Variants in SUMF1 observed in about 807,000 individuals in gnomAD.
SUMF1 encodes sulfatase modifying factor 1.
Under a neutral mutation model 47.6 loss-of-function variants are expected in SUMF1, and 48 were observed. The observed-to-expected ratio is 1.01, with a 90% CI of 0.80 to 1.28. The LOEUF is 1.28. Ranked by LOEUF, SUMF1 falls within the 50% of genes most tolerant of loss-of-function variation. The pLI is 0.00. For missense variants in SUMF1, 571 were observed against 485.4 expected, an observed-to-expected ratio of 1.18 and a Z score of -1.66; for synonymous variants, 230 against 192.1, an observed-to-expected ratio of 1.20 and a Z score of -1.63.
chr3:4,087,958 G>C (rs553383112), intron 8 of SUMF1, among the ~76,000 whole-genome samples: 1 of 151,996 alleles, frequency 6.6e-6, no homozygotes, highest in East Asian at 1.9e-4. Flanking sequence ...TAATGATTGA[G>C]AGCTTGATTT....
At chr3:4,306,123 G>A (rs1358237824) in intron 8 of SUMF1, among the ~76,000 whole-genome samples, 1 of 152,104 alleles carries the variant, frequency 6.6e-6, no homozygotes, top group Non-Finnish European at 1.5e-5. Flanking sequence ...GTCACGATTA[G>A]CTTCAATATT....
chr3:4,286,271 T>A (rs1352981428), intron 8 of SUMF1, among the ~76,000 whole-genome samples: 2 of 152,066 alleles, frequency 1.3e-5, no homozygotes, highest in East Asian at 3.8e-4. Context: ...ACTATAAAGT[T>A]AGGGCAAGTT....
At chr3:4,420,804 C>T (rs1343869696) in intron 3 of SUMF1, among the ~76,000 whole-genome samples, 1 of 152,094 alleles carries the variant, frequency 6.6e-6, no homozygotes, top group East Asian at 1.9e-4. Flanking sequence ...AGAGTTAACC[C>T]TACAATTAAA....
At chr3:4,254,939 A>G (rs567238928) in intron 8 of SUMF1, among the ~76,000 whole-genome samples, 1 of 152,260 alleles carries the variant, frequency 6.6e-6, no homozygotes, top group Admixed American at 6.5e-5. Context: ...TACAAGCCAG[A>G]AGAGAGGGGG....
intron 8 of SUMF1, among the ~76,000 whole-genome samples, chr3:4,241,290 G>T (rs1408600769): frequency 6.6e-6 from 1 of 152,102 alleles, no homozygotes; most frequent in Non-Finnish European, 1.5e-5. Context: ...TGCTTCTCAT[G>T]TATCTTCAGT....
At chr3:4,180,683 A>AACACACCCACACACACACACACACAC (rs1695076067) in intron 8 of SUMF1, among the ~76,000 whole-genome samples, 1 of 139,642 alleles carries the variant, frequency 7.2e-6, no homozygotes, top group African/African-American at 2.8e-5. Context: ...CCTAGAACTT[A>AACACACCCACACACACACACACACAC]ACACACACAC....
chr3:4,227,336 A>C (rs867956949), intron 8 of SUMF1, among the ~76,000 whole-genome samples: 11 of 152,010 alleles, frequency 7.2e-5, no homozygotes, highest in African/African-American at 2.7e-4. Flanking sequence ...CTGCAGAAGC[A>C]CACAGTAGGT....
rs1360985814 is a variant in SUMF1, at chr3:4,183,210, A to G, written c.1015-114465T>C. ...TTAATTTACTACAATTCCATTGTATAAAATTAAGAATGTTTAGTAATATTT... is the reference window on the plus strand; with the variant it reads ...TTAATTTACTACAATTCCATTGTATGAAATTAAGAATGTTTAGTAATATTT... On this transcript the variant is annotated intron_variant and NMD_transcript_variant, in intron 8 of 12. Coordinates refer to the SUMF1 transcript ENST00000448413. Among the ~76,000 whole-genome samples, 3 of 152,218 alleles carry G rather than the reference A, an allele frequency of 2.0e-5. No homozygotes were observed. In the East Asian group the frequency reaches 5.8e-4, roughly 29 times the overall value.
intron 8 of SUMF1, among the ~76,000 whole-genome samples, chr3:4,291,596 G>A (rs531692822): frequency 1.3e-5 from 2 of 152,296 alleles, no homozygotes; most frequent in Admixed American, 6.5e-5. Flanking sequence ...AGGAATTGAA[G>A]TCGCTTTTTA....
At chr3:4,281,065 T>C (rs1697519759) in intron 8 of SUMF1, among the ~76,000 whole-genome samples, 1 of 152,052 alleles carries the variant, frequency 6.6e-6, no homozygotes, top group Non-Finnish European at 1.5e-5. Context: ...CACAAATCAA[T>C]CCATAACAGC....
At chr3:4,259,408 A>G (rs1310608691) in intron 8 of SUMF1, among the ~76,000 whole-genome samples, 2 of 152,222 alleles carry the variant, frequency 1.3e-5, no homozygotes, top group East Asian at 3.8e-4. Flanking sequence ...GACAGCATTT[A>G]GGGAATCTGC....
At chr3:4,161,597 G>A (rs1039270527) in intron 8 of SUMF1, among the ~76,000 whole-genome samples, 8 of 152,118 alleles carry the variant, frequency 5.3e-5, no homozygotes, top group East Asian at 1.9e-4. Flanking sequence ...GGCCCACAGA[G>A]AGTACTGCCA....
In SUMF1 at chr3:4,091,107, A is replaced by C. The variant is rs563861881; in HGVS notation, c.1015-22362T>G. Among the ~76,000 whole-genome samples the C allele has an allele frequency of 4.2e-4, 63 of 151,782 alleles. 1 individual carries two copies. Among genetic ancestry groups the C allele is most frequent in the African/African-American group, 1.3e-3 (54 of 41,284 alleles). Reference sequence around the variant, plus strand: ...AACAACAACAACAACAAAAAAAAAAACAAAAAACACACATTTTGGGTCTTT... The same window carrying C: ...AACAACAACAACAACAAAAAAAAAACCAAAAAACACACATTTTGGGTCTTT... On this transcript the variant is annotated intron_variant and NMD_transcript_variant, in intron 8 of 12. Coordinates refer to the SUMF1 transcript ENST00000448413.
At chr3:4,154,714 C>G (rs1694413579) in intron 8 of SUMF1, among the ~76,000 whole-genome samples, 1 of 151,568 alleles carries the variant, frequency 6.6e-6, no homozygotes, top group African/African-American at 2.4e-5. Context: ...TGTGTGCCCT[C>G]TGCTGAAGAA....
At chr3:4,252,716 G>C (rs969180774) in intron 8 of SUMF1, among the ~76,000 whole-genome samples, 1 of 151,930 alleles carries the variant, frequency 6.6e-6, no homozygotes, top group African/African-American at 2.4e-5. Flanking sequence ...TTAATGAAGG[G>C]GAAAATCCAT....
At chr3:4,094,963 C>T (rs569624632) in intron 8 of SUMF1, among the ~76,000 whole-genome samples, 1 of 152,100 alleles carries the variant, frequency 6.6e-6, no homozygotes, top group East Asian at 1.9e-4. Context: ...ACAGAACACA[C>T]TTCAAGAAAC....
At chr3:4,212,085 G>A (rs1695811373) in intron 8 of SUMF1, among the ~76,000 whole-genome samples, 1 of 152,158 alleles carries the variant, frequency 6.6e-6, no homozygotes, top group Non-Finnish European at 1.5e-5. Context: ...TCTGCTAAGG[G>A]TCAGATTGTC....
intron 8 of SUMF1, among the ~76,000 whole-genome samples, chr3:4,140,806 G>C (rs1694053386): frequency 6.6e-6 from 1 of 151,910 alleles, no homozygotes; most frequent in African/African-American, 2.4e-5. Flanking sequence ...CCTTAGAATA[G>C]AGAAAACTCT....
intron 8 of SUMF1, among the ~76,000 whole-genome samples, chr3:4,136,109 G>T (rs1389874971): frequency 6.6e-6 from 1 of 152,084 alleles, no homozygotes; most frequent in East Asian, 1.9e-4. Context: ...TTTCTTCACA[G>T]AATTGGAAAA....
Sources: allele counts gnomAD v4.1 joint callset (sites outside exome capture counted in the v4.1 genomes callset), GRCh38; gene constraint gnomAD v4.1.1; transcripts MANE v1.5; gene names NCBI Gene and HGNC (gene_info 2026-07-23, HGNC 2026-07-21).